Variants in SIK2 observed in about 807,000 individuals in gnomAD.
The protein encoded by SIK2 is salt inducible kinase 2.
SIK2 carries 29 observed loss-of-function variants against 103.2 expected under a neutral mutation model. The ratio of observed to expected loss-of-function variants is 0.28; its 90% confidence interval spans 0.21 to 0.38. SIK2 has a LOEUF of 0.38. Among genes scored for constraint, SIK2 ranks in the 10% least tolerant of loss-of-function variants. SIK2 has a pLI of 1.00. For missense variants in SIK2, 879 were observed against 1,171.0 expected, an observed-to-expected ratio of 0.75 and a Z score of 3.64; for synonymous variants, 412 against 446.1, an observed-to-expected ratio of 0.92 and a Z score of 0.96.
intron 3 of SIK2, chr11:111,671,662 G>A (rs922178801): frequency 5.3e-6 from 2 of 375,356 alleles, no homozygotes; most frequent in Non-Finnish European, 1.0e-5. Flanking sequence ...AACCACAGAT[G>A]TGTCCAAGAT....
At chr11:111,714,699 CAAG>C (rs776288791) in intron 9 of SIK2, among the ~76,000 whole-genome samples, 1 of 152,180 alleles carries the variant, frequency 6.6e-6, no homozygotes, top group Non-Finnish European at 1.5e-5. Flanking sequence ...AGGGCAGATT[CAAG>C]AAGGCCGACC....
intron 3 of SIK2, among the ~76,000 whole-genome samples, chr11:111,631,959 T>C (rs1942046216): frequency 6.6e-6 from 1 of 152,208 alleles, no homozygotes; most frequent in Non-Finnish European, 1.5e-5. Context: ...TTCAGTTAAT[T>C]ATATTGTACC....
Position 111,726,139 on chromosome 11 carries a change from A to G in SIK2, c.*2010A>G, listed in dbSNP as rs1294393700. On this transcript the variant is annotated 3_prime_UTR_variant, in exon 15 of 15. Coordinates refer to ENST00000304987, the MANE Select transcript of SIK2 (RefSeq NM_015191.3). ...ATGGGGCTTGATTTGTTTAGACTGA[A>G]GGAAGACGTTTTCCCAAAATATACT... 2 of 152,216 alleles carry G rather than the reference A, an allele frequency of 1.3e-5. No homozygotes were observed. The highest frequency in any genetic ancestry group is 2.9e-5 in the Non-Finnish European group (2 of 68,024). The allele number at this position is 152,216 out of a possible 1,614,324, so 9.4% of individuals were successfully genotyped here.
chr11:111,712,891 A>G (rs1005786021), intron 9 of SIK2, among the ~76,000 whole-genome samples: 3 of 152,206 alleles, frequency 2.0e-5, no homozygotes, highest in Non-Finnish European at 4.4e-5. Context: ...TGGGCCAGGC[A>G]CAGTGGCTCA....
chr11:111,649,132 T>G (rs1942295986), intron 3 of SIK2, among the ~76,000 whole-genome samples: 1 of 152,218 alleles, frequency 6.6e-6, no homozygotes, highest in Non-Finnish European at 1.5e-5. Context: ...CAGCATACTG[T>G]AGCTGGTTAA....
At chr11:111,633,596 A>G (rs1273153753) in intron 3 of SIK2, among the ~76,000 whole-genome samples, 1 of 152,188 alleles carries the variant, frequency 6.6e-6, no homozygotes, top group Non-Finnish European at 1.5e-5. Context: ...TAACTGAATC[A>G]AGGGAGAAAA....
At chr11:111,673,107 A>G (rs1942651730) in intron 3 of SIK2, among the ~76,000 whole-genome samples, 1 of 152,194 alleles carries the variant, frequency 6.6e-6, no homozygotes, top group South Asian at 2.1e-4. Flanking sequence ...TGAATCTGCA[A>G]ACCCAACTCT....
At chr11:111,612,725 A>G (rs1941743418) in intron 1 of SIK2, among the ~76,000 whole-genome samples, 1 of 152,114 alleles carries the variant, frequency 6.6e-6, no homozygotes, top group South Asian at 2.1e-4. Context: ...AAAAGTCTGC[A>G]TTCATCTAGT....
At chr11:111,638,765 A>G (rs1252171879) in intron 3 of SIK2, among the ~76,000 whole-genome samples, 2 of 152,134 alleles carry the variant, frequency 1.3e-5, no homozygotes, top group Non-Finnish European at 2.9e-5. Context: ...TTTTAACATC[A>G]TCTTATAATT....
intron 1 of SIK2, among the ~76,000 whole-genome samples, chr11:111,604,663 T>C (rs1941625188): frequency 6.6e-6 from 1 of 152,214 alleles, no homozygotes; most frequent in African/African-American, 2.4e-5. Flanking sequence ...CAAGCACCGG[T>C]CAGATCGTGA....
Position 111,724,237 on chromosome 11 carries a change from G to A in SIK2, c.*108G>A, listed in dbSNP as rs1943898806. On this transcript the variant is annotated 3_prime_UTR_variant, in exon 15 of 15. Transcript: ENST00000304987. Reference sequence around the variant, plus strand: ...TATTTTCTTGCCCTCTCCCTAACGGGGAGAAATCGAGCCACCCAACTGGAA... The same window carrying A: ...TATTTTCTTGCCCTCTCCCTAACGGAGAGAAATCGAGCCACCCAACTGGAA... The A allele has an allele frequency of 1.4e-6, 2 of 1,435,160 alleles. No individual in the cohort carries two copies. The highest frequency in any genetic ancestry group is 4.7e-5 in the East Asian group (2 of 42,426). 88.9% of individuals were successfully genotyped at this position (1,435,160 alleles called of 1,614,324 possible).
At chr11:111,631,958 T>G (rs969715278) in intron 3 of SIK2, among the ~76,000 whole-genome samples, 1 of 152,196 alleles carries the variant, frequency 6.6e-6, no homozygotes, top group Non-Finnish European at 1.5e-5. Flanking sequence ...GTTCAGTTAA[T>G]TATATTGTAC....
At position 111,616,342 on chromosome 11, in the gene SIK2, A is replaced by G. The variant is rs200374367; in HGVS notation, c.235A>G (p.Ile79Val). The part of the protein sequence containing the change: ...QIMKMLDHPH[I>V]IKLYQVMETK... ...AATGAAAATGTTAGACCACCCTCAC[A>G]TAATCAAACTTTATCAGGTATGACT... The change falls in exon 2 of 15, where the codon ATA (isoleucine) becomes GTA (valine). Residue 79 changes from isoleucine (I) to valine (V), a missense_variant. This residue lies in a region of SIK2 where 126 missense variants were observed against 245.5 expected (regional missense o/e 0.51). Coordinates refer to ENST00000304987, the MANE Select transcript of SIK2 (RefSeq NM_015191.3). 115 of 1,605,412 alleles carry G rather than the reference A, an allele frequency of 7.2e-5. 1 individual carries two copies. The highest frequency in any genetic ancestry group is 8.3e-5 in the Non-Finnish European group (97 of 1,172,366).
intron 3 of SIK2, among the ~76,000 whole-genome samples, chr11:111,682,792 G>A (rs1216067147): frequency 6.6e-6 from 1 of 152,144 alleles, no homozygotes; most frequent in Non-Finnish European, 1.5e-5. Context: ...TTCTACCTAT[G>A]CTAACCTTCA....
At chr11:111,625,671 T>A (rs912379497) in intron 3 of SIK2, among the ~76,000 whole-genome samples, 1 of 152,112 alleles carries the variant, frequency 6.6e-6, no homozygotes, top group Non-Finnish European at 1.5e-5. Context: ...TATACTGCAG[T>A]TTGGTAAGAG....
chr11:111,632,981 A>G (rs757549993), intron 3 of SIK2, among the ~76,000 whole-genome samples: 1 of 152,096 alleles, frequency 6.6e-6, no homozygotes, highest in Non-Finnish European at 1.5e-5. Flanking sequence ...TGTCTTCTGT[A>G]CTTTTGGAAA....
rs562896274 is a variant in SIK2 at position 111,719,903 on chromosome 11, C to A, written c.1395C>A (p.Asp465Glu). ...GLETEGEAEEDPAHAFEAFQS... is the reference protein window; with the variant it reads ...GLETEGEAEEEPAHAFEAFQS... ...AGACAGAAGGAGAGGCCGAGGAAGA[C>A]CCCGCTCATGCCTTTGAGGCATTTC... The change falls in exon 10 of 15, where the codon GAC becomes GAA. Residue 465 changes from aspartate to glutamate, a missense_variant. Physicochemically the swap from Asp to Glu is conservative, Grantham distance 45 (BLOSUM62 2). Around this residue, in one of 7 missense-constraint regions of SIK2, gnomAD observed 222 missense variants for 258.0 expected, o/e 0.86. Coordinates refer to ENST00000304987, the MANE Select transcript of SIK2 (RefSeq NM_015191.3). 3 of 1,614,168 alleles carry A rather than the reference C, an allele frequency of 1.9e-6. No individual in the cohort carries two copies. The highest frequency in any genetic ancestry group is 2.7e-5 in the African/African-American group (2 of 75,044).
intron 2 of SIK2, among the ~76,000 whole-genome samples, chr11:111,619,664 A>C (rs1048776862): frequency 7.2e-5 from 11 of 152,158 alleles, no homozygotes; most frequent in African/African-American, 2.7e-4. Context: ...TTTTAAATAG[A>C]CTTCTATTTA....
At position 111,720,580 on chromosome 11, in the gene SIK2, C is replaced by A. The variant is rs749858828; in HGVS notation, c.1598C>A (p.Pro533His). 6.2e-7 allele frequency: 1 copy of A among 1,614,016 alleles called. No homozygotes were observed. Residue 533 changes from proline (P) to histidine (H), a missense_variant, in exon 11 of 15, where the codon CCT becomes CAT. Transcript: ENST00000304987. The stretch of plus-strand genomic sequence containing the variant: ...GACCTGAACTTTCTGGAAGACAACC[C>A]TTCCCTTAAGGACATCATGTTAGCC... ...QRDLNFLEDN[P>H]SLKDIMLANQ... is the part of the protein sequence containing the mutation.
Sources: gnomAD v4.1 joint callset for allele counts (sites outside exome capture counted in the v4.1 genomes callset) on GRCh38, gnomAD v4.1.1 for gene constraint, gnomAD v4.1.1 regional missense constraint, MANE v1.5 for transcripts, NCBI Gene and HGNC (gene_info 2026-07-23, HGNC 2026-07-21) for gene names.